The following EHBP1 variants were observed in gnomAD, a reference collection of about 807,000 sequenced individuals.
The protein encoded by EHBP1 is EH domain binding protein 1.
A neutral mutation model predicts 144.0 loss-of-function variants in EHBP1; 55 were observed. The observed-to-expected ratio is 0.38, with a 90% CI of 0.31 to 0.48. The LOEUF (loss-of-function observed/expected upper bound fraction) is 0.48, where lower values mean the gene tolerates loss of function less well. Among genes scored for constraint, EHBP1 ranks in the 20% least tolerant of loss-of-function variants. The probability of loss-of-function intolerance (pLI) is 0.98; values close to 1 mark genes in which losing one functional copy is unlikely to be tolerated. For missense variants in EHBP1, 1,200 were observed against 1,364.2 expected (o/e 0.88, Z 1.90); for synonymous variants, 469 against 472.7 (o/e 0.99, Z 0.10).
At chr2:62,674,707 G>C (rs182786683) in intron 1 of EHBP1, among the ~76,000 whole-genome samples, 187 of 152,304 alleles carry the variant, frequency 1.2e-3, no homozygotes, top group Middle Eastern at 3.4e-3. Context: ...TCCTCACAAA[G>C]TGTGTTTGTG....
intron 14 of EHBP1, among the ~76,000 whole-genome samples, chr2:62,962,767 T>C (rs1299641073): frequency 2.0e-5 from 3 of 152,244 alleles, no homozygotes; most frequent in Admixed American, 2.0e-4. Context: ...TATGTTTGTT[T>C]TTGTTTTGTT....
intron 13 of EHBP1, among the ~76,000 whole-genome samples, chr2:62,951,347 G>A (rs1480238282): frequency 6.6e-6 from 1 of 152,042 alleles, no homozygotes; most frequent in Non-Finnish European, 1.5e-5. Flanking sequence ...GCCAAAGCAA[G>A]CCCCTGTTCT....
intron 9 of EHBP1, among the ~76,000 whole-genome samples, chr2:62,866,356 C>T: frequency 6.6e-6 from 1 of 152,172 alleles, no homozygotes; most frequent in East Asian, 1.9e-4. Context: ...GCCAATCAAA[C>T]ATTTATCAGG....
intron 7 of EHBP1, among the ~76,000 whole-genome samples, chr2:62,834,326 G>A (rs1243444812): frequency 6.6e-6 from 1 of 152,186 alleles, no homozygotes; most frequent in Non-Finnish European, 1.5e-5. Context: ...AATTTTTAAT[G>A]AAAGGAGGAT....
intron 7 of EHBP1, among the ~76,000 whole-genome samples, chr2:62,844,534 A>G (rs1165700761): frequency 1.3e-5 from 2 of 152,296 alleles, no homozygotes; most frequent in East Asian, 1.9e-4. Flanking sequence ...TTATGAAACC[A>G]TATGGTTTCA....
chr2:62,874,532 G>T lies in EHBP1; in HGVS notation c.1185G>T (p.Lys395Asn). 1 of 1,584,916 alleles carries T rather than the reference G, an allele frequency of 6.3e-7. No individual in the cohort carries two copies. The highest frequency in any genetic ancestry group is 8.6e-7 in the Non-Finnish European group (1 of 1,166,920). The part of the protein sequence containing the change: ...SAGKDLSTSP[K>N]PSPIPSPVLG... ...GAAAAGATCTCTCTACTTCTCCTAA[G>T]GTAGGATTTTATTCATAGTAAAACA... The change falls in exon 10 of 23, where the codon AAG becomes AAT. Residue 395 changes from lysine to asparagine, a missense_variant and splice_region_variant. Lys to Asn is a moderately conservative substitution (Grantham distance 94). Around this residue, in one of 6 missense-constraint regions of EHBP1, gnomAD observed 266 missense variants for 262.4 expected, o/e 1.01. Transcript: ENST00000431489.
intron 15 of EHBP1, among the ~76,000 whole-genome samples, chr2:62,987,478 C>T (rs2059245606): frequency 6.6e-6 from 1 of 152,076 alleles, no homozygotes; most frequent in Non-Finnish European, 1.5e-5. Context: ...TTTAAGCCTT[C>T]ATGAAAATGA....
Position 63,045,245 on chromosome 2 carries a change from A to C in EHBP1, c.3392+65A>C. On this transcript the variant is annotated intron_variant, in intron 22 of 22. Transcript: ENST00000431489. This position sits in a 1 kb window ranked among gnomAD's most constrained non-coding sequence, Gnocchi z 5.7. Reference sequence around the variant, plus strand: ...GCCGAGGGGCCGAGAAGTGTGCGGAAAGTTCAATCCAGAGGTCGCGGGAGG... The same window carrying C: ...GCCGAGGGGCCGAGAAGTGTGCGGACAGTTCAATCCAGAGGTCGCGGGAGG... The C allele has an allele frequency of 6.7e-7, 1 of 1,489,422 alleles. No homozygotes were observed. Among genetic ancestry groups the C allele is most frequent in the Non-Finnish European group, 9.2e-7 (1 of 1,090,644 alleles). The allele number at this position is 1,489,422 out of a possible 1,614,324, so 92.3% of individuals were successfully genotyped here. A position where few individuals can be genotyped will look rare whatever the true frequency, so the allele number is the denominator to read the frequency against.
At chr2:62,917,753 C>T (rs2054751727) in intron 10 of EHBP1, among the ~76,000 whole-genome samples, 1 of 152,156 alleles carries the variant, frequency 6.6e-6, no homozygotes, top group Non-Finnish European at 1.5e-5. Context: ...GAGAAATTGC[C>T]TGAATAAAAG....
At chr2:62,809,305 A>AAC (rs1553424079) in intron 5 of EHBP1, among the ~76,000 whole-genome samples, 52 of 148,538 alleles carry the variant, frequency 3.5e-4, no homozygotes, top group Non-Finnish European at 5.2e-4. Flanking sequence ...AAAAAAAAAA[A>AAC]AAAAAAAAAA....
At chr2:62,974,579 T>A (rs2710635) in intron 14 of EHBP1, among the ~76,000 whole-genome samples, 149,524 of 152,272 alleles carry the variant, frequency 0.98, 73,427 homozygotes, top group Middle Eastern at 1. Flanking sequence ...GGATCTATTT[T>A]GTTGTTTTCT....
intron 15 of EHBP1, among the ~76,000 whole-genome samples, chr2:62,982,776 C>T (rs1237924786): frequency 2.0e-5 from 3 of 152,206 alleles, no homozygotes; most frequent in Non-Finnish European, 4.4e-5. Flanking sequence ...ATACCCACTG[C>T]CTGAACTCAC....
chr2:62,927,077 T>A (rs76084862), intron 10 of EHBP1, among the ~76,000 whole-genome samples: 15,086 of 152,222 alleles, frequency 0.099, 956 homozygotes, highest in Non-Finnish European at 0.14. Context: ...ATGTTATCTG[T>A]AATAAGCCAG....
intron 5 of EHBP1, among the ~76,000 whole-genome samples, chr2:62,792,382 G>A (rs980605738): frequency 2.0e-5 from 3 of 152,022 alleles, no homozygotes; most frequent in African/African-American, 7.2e-5. Flanking sequence ...CTCCTAGGCA[G>A]TGAGCCCAGA....
At chr2:62,771,429 T>C (rs761348668) in intron 5 of EHBP1, 37 bp downstream of exon 5, 1 of 1,519,302 alleles carries the variant, frequency 6.6e-7, no homozygotes, top group South Asian at 1.3e-5. Flanking sequence ...TTTCACATTT[T>C]CAACTTTATA....
At chr2:62,916,104 T>A (rs1404651674) in intron 10 of EHBP1, among the ~76,000 whole-genome samples, 2 of 152,162 alleles carry the variant, frequency 1.3e-5, no homozygotes, top group Admixed American at 1.3e-4. Context: ...GAGGATGACT[T>A]GAGCCCAGGA....
At chr2:62,893,358 G>A (rs1338206957) in intron 10 of EHBP1, among the ~76,000 whole-genome samples, 1 of 152,108 alleles carries the variant, frequency 6.6e-6, no homozygotes, top group Non-Finnish European at 1.5e-5. Flanking sequence ...GGTGTGAGAT[G>A]TTAAAGTGCT....
At chr2:62,705,002 A>T (rs2034412473), upstream of EHBP1, among the ~76,000 whole-genome samples, 1 of 152,064 alleles carries the variant, frequency 6.6e-6, no homozygotes, top group South Asian at 2.1e-4. Flanking sequence ...AATGTTGAAG[A>T]CTCCGAACAA....
At chr2:62,757,135 T>C (rs1052990208) in intron 3 of EHBP1, among the ~76,000 whole-genome samples, 1 of 151,976 alleles carries the variant, frequency 6.6e-6, no homozygotes, top group South Asian at 2.1e-4. Flanking sequence ...GGTCAGAAAA[T>C]ATATATATAT....
Sources: allele counts gnomAD v4.1 joint callset (sites outside exome capture counted in the v4.1 genomes callset), GRCh38; gene constraint gnomAD v4.1.1; regional missense constraint gnomAD v4.1.1; non-coding constraint Gnocchi (gnomAD v3.1); transcripts MANE v1.5; gene names NCBI Gene and HGNC (gene_info 2026-07-23, HGNC 2026-07-21).